The following RUNX1T1 variants were observed in gnomAD, a reference collection of about 807,000 sequenced individuals.
The protein encoded by RUNX1T1 is protein CBFA2T1.
A neutral mutation model predicts 62.8 loss-of-function variants in RUNX1T1; 4 were observed. The observed-to-expected ratio is 0.06, with a 90% confidence interval of 0.03 to 0.15. RUNX1T1 has a LOEUF of 0.15. Ranked by LOEUF, RUNX1T1 falls within the 10% of genes least tolerant of loss-of-function variation. RUNX1T1 has a pLI of 1.00. For synonymous variants in RUNX1T1, 291 were observed against 286.0 expected (o/e 1.02, Z -0.18); for missense variants, 508 against 754.3 (o/e 0.67, Z 3.82).
At chr8:91,971,234 T>A (rs1029033421) in intron 9 of RUNX1T1, 1 of 157,984 alleles carries the variant, frequency 6.3e-6, no homozygotes, top group African/African-American at 2.4e-5. Flanking sequence ...ATAATTTTTT[T>A]AACCAAACTA....
At chr8:92,034,415 A>C (rs1222904011) in intron 1 of RUNX1T1, among the ~76,000 whole-genome samples, 1 of 152,122 alleles carries the variant, frequency 6.6e-6, no homozygotes, top group Non-Finnish European at 1.5e-5. Context: ...AAGCAGTTTC[A>C]CTAAAAGTTG....
chr8:92,053,894 C>G (rs1432036102), intron 1 of RUNX1T1, among the ~76,000 whole-genome samples: 1 of 151,962 alleles, frequency 6.6e-6, no homozygotes, highest in Non-Finnish European at 1.5e-5. Flanking sequence ...GCAGCTTTAT[C>G]AAGGGGAGTT....
chr8:91,986,646 C>T (rs2976506), intron 7 of RUNX1T1, among the ~76,000 whole-genome samples: 26,771 of 152,120 alleles, frequency 0.18, 2,552 homozygotes, highest in Non-Finnish European at 0.22. Context: ...AGAACAGTAG[C>T]CCACCGATCT....
intron 1 of RUNX1T1, among the ~76,000 whole-genome samples, chr8:92,042,527 G>T (rs1417684373): frequency 6.6e-6 from 1 of 151,964 alleles, no homozygotes; most frequent in Non-Finnish European, 1.5e-5. Context: ...TTGTTATGTT[G>T]GCCAGGCTGG....
intron 6 of RUNX1T1, among the ~76,000 whole-genome samples, chr8:91,987,580 C>G (rs530285106): frequency 1.5e-4 from 23 of 151,138 alleles, no homozygotes; most frequent in African/African-American, 5.6e-4. Context: ...GGATATTCTT[C>G]AAAAAAAAAT....
intron 1 of RUNX1T1, among the ~76,000 whole-genome samples, chr8:92,096,943 T>C (rs1474033423): frequency 6.6e-6 from 1 of 151,958 alleles, no homozygotes; most frequent in Non-Finnish European, 1.5e-5. Context: ...CAAAAATCGG[T>C]TTTATGTATA....
intron 1 of RUNX1T1, among the ~76,000 whole-genome samples, chr8:92,022,582 C>T (rs1329682924): frequency 6.6e-6 from 1 of 152,156 alleles, no homozygotes; most frequent in Admixed American, 6.5e-5. Flanking sequence ...TCCATCTCTT[C>T]TGCCATGTAA....
intron 5 of RUNX1T1, 33 bp from the exon 7 acceptor site, chr8:91,991,922 C>T: frequency 6.2e-7 from 1 of 1,611,632 alleles, no homozygotes; most frequent in Non-Finnish European, 8.5e-7. Flanking sequence ...TTTGTTTCAT[C>T]ATCTATTCAG....
intron 10 of RUNX1T1, among the ~76,000 whole-genome samples, chr8:91,962,661 G>A (rs1279696839): frequency 6.6e-6 from 1 of 152,234 alleles, no homozygotes. Context: ...AGTGCTCAGA[G>A]TGAAGTTAAC....
At chr8:92,095,155 T>A (rs781671292) in intron 1 of RUNX1T1, 2 of 1,535,456 alleles carry the variant, frequency 1.3e-6, no homozygotes, top group South Asian at 2.4e-5. Flanking sequence ...TCTTTAAATG[T>A]AAATTCTCTC....
exon 2 of RUNX1T1, chr8:92,017,293 A>G: frequency 6.2e-7 from 1 of 1,614,054 alleles, no homozygotes; most frequent in Middle Eastern, 1.7e-4. Context: ...GCATTGTTGG[A>G]GGAGTCAGCC....
chr8:91,990,191 C>G (rs1817378133), intron 6 of RUNX1T1, among the ~76,000 whole-genome samples: 1 of 152,102 alleles, frequency 6.6e-6, no homozygotes, highest in East Asian at 1.9e-4. Flanking sequence ...AAAAAACAAA[C>G]AAAAAAACAA....
chr8:92,060,488 C>CA (rs1831741765), intron 1 of RUNX1T1, among the ~76,000 whole-genome samples: 2 of 141,258 alleles, frequency 1.4e-5, no homozygotes, highest in East Asian at 4.1e-4. Flanking sequence ...ATGTCTGAGA[C>CA]AACCAGGAAT....
intron 1 of RUNX1T1, among the ~76,000 whole-genome samples, chr8:92,036,763 A>G (rs1827491694): frequency 6.6e-6 from 1 of 152,172 alleles, no homozygotes; most frequent in Admixed American, 6.5e-5. Flanking sequence ...TGGTTATGTC[A>G]ACTTATTTGA....
intron 10 of RUNX1T1, among the ~76,000 whole-genome samples, chr8:91,969,359 C>T (rs1812288659): frequency 6.6e-6 from 1 of 152,144 alleles, no homozygotes; most frequent in South Asian, 2.1e-4. Flanking sequence ...CTTAACATAC[C>T]TAACAGCCCT....
chr8:92,068,504 C>G (rs1833203796), intron 2 of RUNX1T1, among the ~76,000 whole-genome samples: 1 of 152,228 alleles, frequency 6.6e-6, no homozygotes, highest in Admixed American at 6.5e-5. Flanking sequence ...CAGGCAAAAT[C>G]GGAGGGCTCG....
upstream of RUNX1T1, among the ~76,000 whole-genome samples, chr8:92,063,154 A>G (rs962558508): frequency 3.9e-5 from 6 of 152,164 alleles, no homozygotes; most frequent in African/African-American, 1.4e-4. Flanking sequence ...GGAAATCCCA[A>G]ACAGCCTACA....
At chr8:92,028,520 C>T (rs895122448) in intron 1 of RUNX1T1, among the ~76,000 whole-genome samples, 6 of 152,132 alleles carry the variant, frequency 3.9e-5, no homozygotes, top group Admixed American at 2.0e-4. Context: ...TGGGATCTAA[C>T]GACTTCACTT....
At chr8:92,014,969 G>C (rs1587008007) in intron 2 of RUNX1T1, 149 bp from the exon 4 acceptor site, 3 of 743,968 alleles carry the variant, frequency 4.0e-6, no homozygotes, top group East Asian at 2.8e-5. Flanking sequence ...ACTTCACAGG[G>C]TTACTACATT....
Sources: gnomAD v4.1 joint callset for allele counts (sites outside exome capture counted in the v4.1 genomes callset) on GRCh38, gnomAD v4.1.1 for gene constraint, MANE v1.5 for transcripts, NCBI Gene and HGNC (gene_info 2026-07-23, HGNC 2026-07-21) for gene names.